Variants in ARSG observed in about 807,000 individuals in gnomAD.
ARSG encodes ASG.
In ARSG, 37 loss-of-function variants were observed where a neutral mutation model predicts 50.5. The ratio of observed to expected loss-of-function variants is 0.73; its 90% CI spans 0.56 to 0.96. The LOEUF is 0.96. Ranked by LOEUF, ARSG falls within the 50% of genes least tolerant of loss-of-function variation. The pLI is 0.00. For missense variants in ARSG, 629 were observed against 675.3 expected (o/e 0.93, Z 0.76); for synonymous variants, 225 against 254.6 (o/e 0.88, Z 1.11).
At chr17:68,394,827 G>T (rs2081162033) in intron 9 of ARSG, among the ~76,000 whole-genome samples, 2 of 152,144 alleles carry the variant, frequency 1.3e-5, no homozygotes, top group South Asian at 4.1e-4. Context: ...GGCAGAGCTG[G>T]GATTTGAGCC....
chr17:68,344,298 G>A (rs1190095950), intron 3 of ARSG, among the ~76,000 whole-genome samples: 1 of 152,212 alleles, frequency 6.6e-6, no homozygotes, highest in African/African-American at 2.4e-5. Flanking sequence ...CCCAGATTGA[G>A]AAACTGGGGA....
At chr17:68,379,808 T>G (rs1156575146) in intron 8 of ARSG, 1 of 985,246 alleles carries the variant, frequency 1.0e-6, no homozygotes, top group Admixed American at 6.2e-5. Flanking sequence ...CCAACCAAAC[T>G]GTCGGAGGTT....
chr17:68,272,645 C>T (rs2075379240), intron 1 of ARSG: 5 of 1,613,790 alleles, frequency 3.1e-6, no homozygotes, highest in South Asian at 1.1e-5. Context: ...CTACCTGGTG[C>T]GAAAGCAAAC....
intron 1 of ARSG, among the ~76,000 whole-genome samples, chr17:68,264,561 C>T (rs1487268402): frequency 1.3e-5 from 2 of 151,890 alleles, no homozygotes; most frequent in Non-Finnish European, 2.9e-5. Context: ...TGTCAGCCTC[C>T]CGAGTAGCTG....
intron 11 of ARSG, among the ~76,000 whole-genome samples, chr17:68,408,569 ATGC>A (rs1183471052): frequency 2.0e-5 from 3 of 151,992 alleles, no homozygotes; most frequent in Non-Finnish European, 4.4e-5. Flanking sequence ...ATTGTGAATA[ATGC>A]TGCAATAAAC....
chr17:68,426,251 G>GGGGGC, downstream of ARSG: 2 of 825,460 alleles, frequency 2.4e-6, no homozygotes, highest in Admixed American at 2.3e-5. Context: ...GTGGGGAGCG[G>GGGGGC]GGGCTCAAAT....
rs2079768027 is a variant in ARSG at position 68,370,317 on chromosome 17, GTTTGTCT to G, written c.902-124_902-118del. The G allele has an allele frequency of 7.9e-6, 6 of 764,154 alleles. No individual in the cohort carries two copies. The East Asian group carries it at 1.7e-4, about 22-fold the overall frequency. The allele number at this position is 764,154 out of a possible 1,614,324, so 47.3% of individuals were successfully genotyped here. A position where few individuals can be genotyped will look rare whatever the true frequency, so the allele number is the denominator to read the frequency against. ...GCGTGAGCCACTGCACTAGGCCCATGTTTGTCTTTATAAGTCCTTTTTCTATCTAGTT... is the reference window on the plus strand; with the variant it reads ...GCGTGAGCCACTGCACTAGGCCCATGTTATAAGTCCTTTTTCTATCTAGTT... On this transcript the variant is annotated intron_variant, in intron 7 of 11. Coordinates refer to ENST00000621439, the MANE Select transcript of ARSG (RefSeq NM_001267727.2).
chr17:68,433,684 G>A, the ARSG span: 2 of 718,016 alleles, frequency 2.8e-6, no homozygotes, highest in Non-Finnish European at 4.6e-6. Flanking sequence ...GAAGAGCCTA[G>A]GTAGACCCAG....
chr17:68,346,647 G>T, intron 3 of ARSG: 1 of 1,067,996 alleles, frequency 9.4e-7, no homozygotes. Context: ...TAGGTGTCTC[G>T]GTGCTTGAAC....
chr17:68,394,803 G>C (rs1325572237), intron 9 of ARSG, among the ~76,000 whole-genome samples: 1 of 152,194 alleles, frequency 6.6e-6, no homozygotes, highest in Non-Finnish European at 1.5e-5. Context: ...GAGGCATTGA[G>C]AAGCTAGATA....
At chr17:68,300,107 TTTG>T (rs1238063491) in intron 1 of ARSG, among the ~76,000 whole-genome samples, 2 of 151,916 alleles carry the variant, frequency 1.3e-5, no homozygotes, top group East Asian at 3.9e-4. Flanking sequence ...ATCCAGTTAT[TTTG>T]TTGTTGTTGT....
At chr17:68,375,842 T>G (rs1440990676) in intron 8 of ARSG, among the ~76,000 whole-genome samples, 1 of 152,116 alleles carries the variant, frequency 6.6e-6, no homozygotes, top group Non-Finnish European at 1.5e-5. Context: ...CCAAGGAGAA[T>G]AGCGAGAGAT....
chr17:68,446,028 G>T, the ARSG span, among the ~76,000 whole-genome samples: 9 of 152,162 alleles, frequency 5.9e-5, no homozygotes, highest in Non-Finnish European at 1.3e-4. Context: ...ACATCAGCTA[G>T]AAGGGAAGGT....
intron 11 of ARSG, among the ~76,000 whole-genome samples, chr17:68,419,845 C>G (rs903692527): frequency 8.6e-5 from 13 of 151,328 alleles, no homozygotes; most frequent in Admixed American, 7.9e-4. Context: ...GTAGCCCCAT[C>G]TACTTGGGAG....
chr17:68,358,312 A>G (rs1807155420), intron 6 of ARSG, among the ~76,000 whole-genome samples: 1 of 152,186 alleles, frequency 6.6e-6, no homozygotes, highest in Admixed American at 6.5e-5. Context: ...TTGGGATTAC[A>G]CTGGGTAATC....
rs145699278 is a variant in ARSG, at chr17:68,300,567, G to A, written c.-551-6376G>A. Among the ~76,000 whole-genome samples, 10 of 152,240 alleles carry A rather than the reference G, an allele frequency of 6.6e-5. No individual in the cohort carries two copies. The East Asian group carries it at 1.4e-3, about 21-fold the overall frequency. On this transcript the variant is annotated intron_variant, in intron 1 of 11. Coordinates refer to ENST00000621439, the MANE Select transcript of ARSG (RefSeq NM_001267727.2). ...CTCAAGTGGAGGATAGACTTTTAGAGGAAAGACGTTATTCAGAGGTCCATC... is the reference window on the plus strand; with the variant it reads ...CTCAAGTGGAGGATAGACTTTTAGAAGAAAGACGTTATTCAGAGGTCCATC...
rs556869594 is a variant in ARSG, at chr17:68,375,906, G to A, written c.982+5382G>A. Among the ~76,000 whole-genome samples, 67 of 152,210 alleles carry A rather than the reference G, an allele frequency of 4.4e-4. 2 individuals carry two copies. In the South Asian group the frequency reaches 0.014, roughly 31 times the overall value. ...TTGGCTTTTATTTTAAGGAAATGTG[G>A]AACCATGGGAAGATTTTAAGAGTGG... On this transcript the variant is annotated intron_variant, in intron 8 of 11. Coordinates refer to ENST00000621439, the MANE Select transcript of ARSG (RefSeq NM_001267727.2).
the ARSG span, among the ~76,000 whole-genome samples, chr17:68,449,161 C>T: frequency 6.6e-6 from 1 of 152,182 alleles, no homozygotes; most frequent in Non-Finnish European, 1.5e-5. Flanking sequence ...GCAGCAACCG[C>T]TCTGGGAATA....
Position 68,268,739 on chromosome 17 carries a change from G to A in ARSG, c.-552+9313G>A, listed in dbSNP as rs573831425. On this transcript the variant is annotated intron_variant, in intron 1 of 11. Transcript: ENST00000448504. ...AAAAAAAGAAAATCATTTATCCCAC[G>A]TGAAAGCTTTTAAAACCACTTTGCC... is the stretch of plus-strand genomic sequence containing the variant. 1.1e-4 allele frequency: 23 copies of A among 209,972 alleles called. No homozygotes were observed. The East Asian group carries it at 2.4e-3, about 22-fold the overall frequency. The allele number at this position is 209,972 out of a possible 1,614,324, so 13.0% of individuals were successfully genotyped here. A position where few individuals can be genotyped will look rare whatever the true frequency, so the allele number is the denominator to read the frequency against.
Sources: allele counts gnomAD v4.1 joint callset (sites outside exome capture counted in the v4.1 genomes callset), GRCh38; gene constraint gnomAD v4.1.1; transcripts MANE v1.5; gene names NCBI Gene and HGNC (gene_info 2026-07-23, HGNC 2026-07-21).